Variants in IGFBP1 observed in about 807,000 individuals in gnomAD.
IGFBP1 encodes insulin-like growth factor-binding protein 1.
IGFBP1 carries 31 observed loss-of-function variants against 23.1 expected under a neutral mutation model. The observed-to-expected ratio is 1.34, with a 90% CI of 1.01 to 1.81. IGFBP1 has a LOEUF of 1.81. IGFBP1 is among the 40% of genes most tolerant of loss of function. The pLI is 0.00. For synonymous variants in IGFBP1, 148 were observed against 145.5 expected, an observed-to-expected ratio of 1.02 and a Z score of -0.13; for missense variants, 333 against 342.2, an observed-to-expected ratio of 0.97 and a Z score of 0.21.
chr7:45,889,042 C>A, intron 1 of IGFBP1, 41 bp downstream of exon 1: 1 of 1,419,556 alleles, frequency 7.0e-7, no homozygotes, highest in Non-Finnish European at 9.3e-7. Flanking sequence ...TCCTGCCGCC[C>A]GCCCCCGCCC....
chr7:45,888,557 G>T lies in IGFBP1; in HGVS notation c.-96G>T. On this transcript the variant is annotated 5_prime_UTR_variant, in exon 1 of 4. Coordinates refer to ENST00000275525, the MANE Select transcript of IGFBP1 (RefSeq NM_000596.4). ...GCCGCCACCCTCCCAGAGAGCACTGGCCACCGCTCCACCATCACTTGCCCA... is the reference window on the plus strand; with the variant it reads ...GCCGCCACCCTCCCAGAGAGCACTGTCCACCGCTCCACCATCACTTGCCCA... The T allele has an allele frequency of 9.3e-7, 1 of 1,077,560 alleles. No homozygotes were observed. The highest frequency in any genetic ancestry group is 1.4e-5 in the South Asian group (1 of 71,668). 66.7% of individuals were successfully genotyped at this position (1,077,560 alleles called of 1,614,324 possible). A position where few individuals can be genotyped will look rare whatever the true frequency, so the allele number is the denominator to read the frequency against.
At chr7:45,891,836 A>T in intron 2 of IGFBP1, 96 bp from the exon 3 acceptor site, 1 of 1,286,992 alleles carries the variant, frequency 7.8e-7, no homozygotes, top group Non-Finnish European at 1.1e-6. Flanking sequence ...TCGTAGGGCC[A>T]CTCCTGCTTC....
rs1025707957 is a variant in IGFBP1, at chr7:45,889,060, C to G, written c.349+59C>G. 3.9e-6 allele frequency: 5 copies of G among 1,282,540 alleles called. No individual in the cohort carries two copies. In the African/African-American group the frequency reaches 6.2e-5, roughly 16 times the overall value. 79.4% of individuals were successfully genotyped at this position (1,282,540 alleles called of 1,614,324 possible). Reference sequence around the variant, plus strand: ...TGCCGCCCGCCCCCGCCCGGCACCTCCCGCCCCCACTCCCCTAACTACTGG... The same window carrying G: ...TGCCGCCCGCCCCCGCCCGGCACCTGCCGCCCCCACTCCCCTAACTACTGG... On this transcript the variant is annotated intron_variant, in intron 1 of 3. Coordinates refer to ENST00000275525, the MANE Select transcript of IGFBP1 (RefSeq NM_000596.4).
At chr7:45,891,782 G>A in intron 2 of IGFBP1, 150 bp from the exon 3 acceptor site, 2 of 648,188 alleles carry the variant, frequency 3.1e-6, no homozygotes, top group Non-Finnish European at 5.2e-6. Context: ...AGGCCCAGAG[G>A]GAGCACATCA....
rs1463639023 is a variant in IGFBP1 at position 45,891,932 on chromosome 7, G to A, written c.520G>A (p.Glu174Lys). 5 of 1,610,866 alleles carry A rather than the reference G, an allele frequency of 3.1e-6. No homozygotes were observed. The highest frequency in any genetic ancestry group is 2.2e-5 in the South Asian group (2 of 90,600). Residue 174 changes from glutamate (E) to lysine (K), a missense_variant and splice_region_variant, in exon 3 of 4, where the codon GAG becomes AAG. Physicochemically the swap from Glu to Lys is moderately conservative, Grantham distance 56. Coordinates refer to ENST00000275525, the MANE Select transcript of IGFBP1 (RefSeq NM_000596.4). ...TGCTAATGTCAAGTTATTCTCTTAGGAGCCCTGCCGAATAGAACTCTACAG... is the reference window on the plus strand; with the variant it reads ...TGCTAATGTCAAGTTATTCTCTTAGAAGCCCTGCCGAATAGAACTCTACAG... Reference protein sequence around the residue: ...LHVTNIKKWKEPCRIELYRVV... With the variant: ...LHVTNIKKWKKPCRIELYRVV...
rs1787073756 is a variant in IGFBP1, at chr7:45,891,158, G to A, written c.519+441G>A. ...GTGGCATTAAGTAACAATAAGTAAT[G>A]CATGTTATTCTGCAACCACTACCAA... On this transcript the variant is annotated intron_variant, in intron 2 of 3. Coordinates refer to ENST00000275525, the MANE Select transcript of IGFBP1 (RefSeq NM_000596.4). 1.3e-5 allele frequency among the ~76,000 whole-genome samples: 2 copies of A among 152,168 alleles called. 1 individual carries two copies. The highest frequency in any genetic ancestry group is 1.3e-4 in the Admixed American group (2 of 15,276).
Position 45,893,189 on chromosome 7 carries a change from T to TAC in IGFBP1, c.*99_*100insCA. The TAC allele has an allele frequency of 1.9e-6, 1 of 525,388 alleles. No homozygotes were observed. The highest frequency in any genetic ancestry group is 2.8e-6 in the Non-Finnish European group (1 of 354,550). 32.5% of individuals were successfully genotyped at this position (525,388 alleles called of 1,614,324 possible). On this transcript the variant is annotated 3_prime_UTR_variant, in exon 4 of 4. Coordinates refer to ENST00000275525, the MANE Select transcript of IGFBP1 (RefSeq NM_000596.4). The stretch of plus-strand genomic sequence containing the variant: ...ATTTATATATATATGTATATGTATA[T>TAC]ATATATAGTAACTACTTTTTATACT...
rs985623654 is a variant in IGFBP1 at position 45,888,847 on chromosome 7, G to C, written c.195G>C (p.Leu65=). 6.6e-7 allele frequency: 1 copy of C among 1,522,450 alleles called. No individual in the cohort carries two copies. Among genetic ancestry groups the C allele is most frequent in the African/African-American group, 1.4e-5 (1 of 70,050 alleles). 94.3% of individuals were successfully genotyped at this position (1,522,450 alleles called of 1,614,324 possible). A position where few individuals can be genotyped will look rare whatever the true frequency, so the allele number is the denominator to read the frequency against. Residue 65 remains leucine, a synonymous_variant, in exon 1 of 4, where the codon CTG becomes CTC. Coordinates refer to ENST00000275525, the MANE Select transcript of IGFBP1 (RefSeq NM_000596.4). ...AGCGCCPMCA[L]PLGAACGVAT... ...GCGGCTGTTGCCCGATGTGCGCCCT[G>C]CCTCTGGGCGCCGCGTGCGGCGTGG...
chr7:45,888,596 C>G lies in IGFBP1; in HGVS notation c.-57C>G. ...ATCACTTGCCCAGAGTTTGGGCCACCGCCCGCCGCCACCAGCCCAGAGAGC... is the reference window on the plus strand; with the variant it reads ...ATCACTTGCCCAGAGTTTGGGCCACGGCCCGCCGCCACCAGCCCAGAGAGC... On this transcript the variant is annotated 5_prime_UTR_variant, in exon 1 of 4. Coordinates refer to ENST00000275525, the MANE Select transcript of IGFBP1 (RefSeq NM_000596.4). The G allele has an allele frequency of 1.4e-6, 2 of 1,476,194 alleles. No homozygotes were observed. Among genetic ancestry groups the G allele is most frequent in the South Asian group, 1.2e-5 (1 of 83,428 alleles). 91.4% of individuals were successfully genotyped at this position (1,476,194 alleles called of 1,614,324 possible).
rs1787120916 is a variant in IGFBP1 at position 45,893,426 on chromosome 7, G to C, written c.*335G>C. On this transcript the variant is annotated 3_prime_UTR_variant, in exon 4 of 4. Coordinates refer to ENST00000275525, the MANE Select transcript of IGFBP1 (RefSeq NM_000596.4). The stretch of plus-strand genomic sequence containing the variant: ...AAAGAGCATGGAAAAATACTGCCTA[G>C]AAAATGCAAAATGAAATAAGAGAGA... 6.5e-6 allele frequency: 1 copy of C among 152,766 alleles called. No individual in the cohort carries two copies. Among genetic ancestry groups the C allele is most frequent in the Non-Finnish European group, 1.5e-5 (1 of 68,520 alleles). 9.5% of individuals were successfully genotyped at this position (152,766 alleles called of 1,614,324 possible).
At position 45,888,599 on chromosome 7, in the gene IGFBP1, C is replaced by T. The variant is rs1787015965; in HGVS notation, c.-54C>T. 1 of 1,494,586 alleles carries T rather than the reference C, an allele frequency of 6.7e-7. No homozygotes were observed. The allele number at this position is 1,494,586 out of a possible 1,614,324, so 92.6% of individuals were successfully genotyped here. A position where few individuals can be genotyped will look rare whatever the true frequency, so the allele number is the denominator to read the frequency against. On this transcript the variant is annotated 5_prime_UTR_variant, in exon 1 of 4. Coordinates refer to ENST00000275525, the MANE Select transcript of IGFBP1 (RefSeq NM_000596.4). ...ACTTGCCCAGAGTTTGGGCCACCGC[C>T]CGCCGCCACCAGCCCAGAGAGCATC...
intron 1 of IGFBP1, among the ~76,000 whole-genome samples, chr7:45,889,296 A>G (rs3793344): frequency 0.39 from 59,301 of 152,062 alleles, 11,799 homozygotes; most frequent in East Asian, 0.53. Flanking sequence ...CGTAGCCCAG[A>G]GATCTTTAGA....
chr7:45,888,968 C>A lies in IGFBP1; in HGVS notation c.316C>A (p.Gln106Lys). ...CACCCGCGGCCAAGGCGCCTGCGTGCAGGAGTCTGACGCCTCCGCTCCCCA... is the reference window on the plus strand; with the variant it reads ...CACCCGCGGCCAAGGCGCCTGCGTGAAGGAGTCTGACGCCTCCGCTCCCCA... ...ALTRGQGACV[Q>K]ESDASAPHAA... The change falls in exon 1 of 4, where the codon CAG becomes AAG. Residue 106 changes from glutamine to lysine, a missense_variant. Gln to Lys is a moderately conservative substitution (Grantham distance 53). Coordinates refer to ENST00000275525, the MANE Select transcript of IGFBP1 (RefSeq NM_000596.4). 1 of 1,520,890 alleles carries A rather than the reference C, an allele frequency of 6.6e-7. No individual in the cohort carries two copies. 94.2% of individuals were successfully genotyped at this position (1,520,890 alleles called of 1,614,324 possible).
At chr7:45,889,030 C>T (rs1203374406) in intron 1 of IGFBP1, 29 bp downstream of exon 1, 1 of 1,455,796 alleles carries the variant, frequency 6.9e-7, no homozygotes. Flanking sequence ...TGCTCCAGCA[C>T]CTCCTGCCGC....
intron 3 of IGFBP1, among the ~76,000 whole-genome samples, chr7:45,892,712 C>T (rs573983376): frequency 6.6e-6 from 1 of 152,328 alleles, no homozygotes; most frequent in East Asian, 1.9e-4. Flanking sequence ...GACAGCTGTG[C>T]ACACACTGTA....
At chr7:45,889,391 C>A (rs966033145) in intron 1 of IGFBP1, among the ~76,000 whole-genome samples, 2 of 152,200 alleles carry the variant, frequency 1.3e-5, no homozygotes, top group Non-Finnish European at 2.9e-5. Context: ...AGTCTCCTTG[C>A]CAGCACGTGG....
intron 1 of IGFBP1, among the ~76,000 whole-genome samples, chr7:45,889,366 C>A (rs199561884): frequency 6.6e-6 from 1 of 152,190 alleles, no homozygotes; most frequent in East Asian, 1.9e-4. Flanking sequence ...GGGATGCCAC[C>A]CTGGGTCCCC....
rs1056137704 is a variant in IGFBP1, at chr7:45,893,653, C to T, written c.*562C>T. The T allele has an allele frequency of 1.3e-5, 2 of 152,202 alleles. No individual in the cohort carries two copies. Among genetic ancestry groups the T allele is most frequent in the African/African-American group, 4.8e-5 (2 of 41,446 alleles). 9.4% of individuals were successfully genotyped at this position (152,202 alleles called of 1,614,324 possible). Reference sequence around the variant, plus strand: ...GGAAACATTTACAATAAATATTCTGCATGGAAATACTGTTATCTCTGTGGA... The same window carrying T: ...GGAAACATTTACAATAAATATTCTGTATGGAAATACTGTTATCTCTGTGGA... On this transcript the variant is annotated 3_prime_UTR_variant, in exon 4 of 4. Coordinates refer to ENST00000275525, the MANE Select transcript of IGFBP1 (RefSeq NM_000596.4).
rs1787022618 is a variant in IGFBP1, at chr7:45,888,780, C to G, written c.128C>G (p.Pro43Arg). 1.3e-6 allele frequency: 2 copies of G among 1,580,290 alleles called. No individual in the cohort carries two copies. Among genetic ancestry groups the G allele is most frequent in the Non-Finnish European group, 1.7e-6 (2 of 1,172,206 alleles). Residue 43 changes from proline to arginine, a missense_variant, in exon 1 of 4, where the codon CCG becomes CGG. Coordinates refer to ENST00000275525, the MANE Select transcript of IGFBP1 (RefSeq NM_000596.4). Reference sequence around the variant, plus strand: ...GCCGAGAAGCTCGCGCTCTGCCCGCCGGTGTCCGCCTCGTGCTCGGAGGTC... The same window carrying G: ...GCCGAGAAGCTCGCGCTCTGCCCGCGGGTGTCCGCCTCGTGCTCGGAGGTC... ...CSAEKLALCPPVSASCSEVTR... is the reference protein window; with the variant it reads ...CSAEKLALCPRVSASCSEVTR...
Sources: allele counts gnomAD v4.1 joint callset (sites outside exome capture counted in the v4.1 genomes callset), GRCh38; gene constraint gnomAD v4.1.1; transcripts MANE v1.5; gene names NCBI Gene and HGNC (gene_info 2026-07-23, HGNC 2026-07-21).